The following XPO6 variants were observed in gnomAD, a reference collection of about 807,000 sequenced individuals.
XPO6 encodes the protein exportin-6.
XPO6 carries 3 observed loss-of-function variants against 130.0 expected under a neutral mutation model. The ratio of observed to expected loss-of-function variants is 0.02; its 90% CI spans 0.01 to 0.06. XPO6 has a LOEUF of 0.06. XPO6 is among the 10% of genes least tolerant of loss of function. XPO6 has a pLI of 1.00. For synonymous variants in XPO6, 524 were observed against 548.9 expected (o/e 0.95, Z 0.63); for missense variants, 970 against 1,393.0 (o/e 0.70, Z 4.83).
At chr16:28,166,468 T>C in intron 6 of XPO6, 40 bp downstream of exon 6, 1 of 1,552,942 alleles carries the variant, frequency 6.4e-7, no homozygotes, top group South Asian at 1.2e-5. Flanking sequence ...CCCCAATACA[T>C]TTAAAAAGAA....
chr16:28,210,540 T>C (rs2141924856), intron 1 of XPO6, among the ~76,000 whole-genome samples: 1 of 152,226 alleles, frequency 6.6e-6, no homozygotes, highest in East Asian at 1.9e-4. Flanking sequence ...CAGAAATAAT[T>C]ACAAGAGCAA....
intron 23 of XPO6, among the ~76,000 whole-genome samples, chr16:28,100,347 G>A (rs1285589454): frequency 4.6e-5 from 7 of 152,216 alleles, no homozygotes; most frequent in South Asian, 2.1e-4. Flanking sequence ...TATTGATGTC[G>A]TTAGAAGCTG....
intron 7 of XPO6, chr16:28,153,332 C>G: frequency 1.0e-6 from 1 of 985,626 alleles, no homozygotes; most frequent in Non-Finnish European, 1.2e-6. Context: ...AAAGTGATTT[C>G]AAATATAAGG....
chr16:28,128,371 C>T (rs747259549), intron 12 of XPO6, among the ~76,000 whole-genome samples: 9 of 152,046 alleles, frequency 5.9e-5, no homozygotes, highest in African/African-American at 1.2e-4. Flanking sequence ...TCACTGAGTC[C>T]GCTTCAGCAG....
At chr16:28,121,353 C>A (rs543269864) in intron 14 of XPO6, among the ~76,000 whole-genome samples, 1 of 152,320 alleles carries the variant, frequency 6.6e-6, no homozygotes, top group African/African-American at 2.4e-5. Context: ...ACACACCTAT[C>A]CAGTCTCTTC....
chr16:28,202,177 T>A (rs1352545982), intron 1 of XPO6, among the ~76,000 whole-genome samples: 1 of 152,196 alleles, frequency 6.6e-6, no homozygotes, highest in Non-Finnish European at 1.5e-5. Context: ...TGGGAAGTCT[T>A]TCATAGATAC....
intron 1 of XPO6, among the ~76,000 whole-genome samples, chr16:28,195,087 A>G (rs1487838149): frequency 1.3e-5 from 2 of 151,894 alleles, no homozygotes; most frequent in Non-Finnish European, 2.9e-5. Flanking sequence ...ACCGACCATA[A>G]TGAACTGAAA....
intron 6 of XPO6, among the ~76,000 whole-genome samples, chr16:28,163,602 G>A (rs1344286205): frequency 6.6e-6 from 1 of 152,146 alleles, no homozygotes; most frequent in Non-Finnish European, 1.5e-5. Context: ...GCAGGCGGGG[G>A]GGCAATGTCC....
At chr16:28,172,263 T>C (rs1457331265) in intron 4 of XPO6, among the ~76,000 whole-genome samples, 2 of 152,236 alleles carry the variant, frequency 1.3e-5, no homozygotes, top group Admixed American at 6.5e-5. Context: ...CTTTACCATC[T>C]TCACATCTAT....
intron 6 of XPO6, among the ~76,000 whole-genome samples, chr16:28,159,937 G>A (rs942466231): frequency 6.6e-6 from 1 of 152,156 alleles, no homozygotes; most frequent in African/African-American, 2.4e-5. Flanking sequence ...TGTAATCCCA[G>A]CACTTTGGGA....
chr16:28,124,633 T>C (rs1270441150), intron 13 of XPO6, among the ~76,000 whole-genome samples: 1 of 152,182 alleles, frequency 6.6e-6, no homozygotes, highest in Non-Finnish European at 1.5e-5. Context: ...AGCCACAATG[T>C]ACTTACTCAA....
At position 28,117,357 on chromosome 16, in the gene XPO6, A is replaced by T. The variant is rs61743747; in HGVS notation, c.1965T>A (p.Ser655=). 1,825 of 1,614,178 alleles carry T rather than the reference A, an allele frequency of 1.1e-3. 13 individuals are homozygous for T. In the African/African-American group the frequency reaches 0.022, roughly 19 times the overall value. Residue 655 remains serine (S), a synonymous_variant, in exon 15 of 24, where the codon TCT becomes TCA. Coordinates refer to ENST00000304658, the MANE Select transcript of XPO6 (RefSeq NM_015171.4). The stretch of plus-strand genomic sequence containing the variant: ...GAGGTGTGATTGCATCCATGGTAGT[A>T]GAGATGAGTGTCACGAACTGCTGCG... ...QNTQQFVTLI[S]TTMDAITPLI...
chr16:28,160,184 TA>T (rs56947792), intron 6 of XPO6, among the ~76,000 whole-genome samples: 17,673 of 75,744 alleles, frequency 0.23, 2,165 homozygotes, highest in Middle Eastern at 0.26. Flanking sequence ...GCCTCCGTCT[TA>T]AAAAAAAAAA....
At chr16:28,175,399 C>A (rs74014243) in intron 4 of XPO6, among the ~76,000 whole-genome samples, 1 of 152,106 alleles carries the variant, frequency 6.6e-6, no homozygotes, top group Non-Finnish European at 1.5e-5. Context: ...ATGGAACCCC[C>A]CAACCCTTCC....
rs2086932471 is a variant in XPO6, at chr16:28,111,917, G to A, written c.2241C>T (p.Arg747=). The stretch of plus-strand genomic sequence containing the variant: ...AGATGAGGCTGGCGTGGTTGATGGA[G>A]CGCACGGGCCACTGCTGCTCATTCT... ...LPENEQQWPV[R]SINHASLISA... The change falls in exon 17 of 24, where the codon CGC becomes CGT. Residue 747 remains arginine (R), a synonymous_variant. Transcript: ENST00000304658. 1 of 1,614,036 alleles carries A rather than the reference G, an allele frequency of 6.2e-7. No individual in the cohort carries two copies.
Position 28,123,628 on chromosome 16 carries a change from C to T in XPO6, c.1767-1866G>A, listed in dbSNP as rs11863396. On this transcript the variant is annotated intron_variant, in intron 13 of 23. Coordinates refer to ENST00000304658, the MANE Select transcript of XPO6 (RefSeq NM_015171.4). ...GAAAGCAATCAAAAAGGAGCACTTCCGGTCAGTCAAGAAAGTGAGGGCAAA... is the reference window on the plus strand; with the variant it reads ...GAAAGCAATCAAAAAGGAGCACTTCTGGTCAGTCAAGAAAGTGAGGGCAAA... Among the ~76,000 whole-genome samples, 1,502 of 152,214 alleles carry T rather than the reference C, an allele frequency of 9.9e-3. 31 individuals are homozygous for T. Among genetic ancestry groups the T allele is most frequent in the African/African-American group, 0.034 (1,428 of 41,540 alleles).
chr16:28,136,585 T>G (rs962343127), intron 9 of XPO6, among the ~76,000 whole-genome samples: 2 of 152,218 alleles, frequency 1.3e-5, no homozygotes, highest in Non-Finnish European at 2.9e-5. Flanking sequence ...TAAGAAGACT[T>G]AGAAACTAAA....
In XPO6 at chr16:28,166,800, T is replaced by C. The variant is rs995834649; in HGVS notation, c.566-215A>G. On this transcript the variant is annotated intron_variant, in intron 5 of 23. Transcript: ENST00000304658. ...CACTGTGGCCTTGTGGTGTGGCCTCTCCCCACTGTTGCCTCCAGCACTGCT... is the reference window on the plus strand; with the variant it reads ...CACTGTGGCCTTGTGGTGTGGCCTCCCCCCACTGTTGCCTCCAGCACTGCT... 12 of 985,420 alleles carry C rather than the reference T, an allele frequency of 1.2e-5. No homozygotes were observed. The African/African-American group carries it at 1.7e-4, about 14-fold the overall frequency. The allele number at this position is 985,420 out of a possible 1,614,324, so 61.0% of individuals were successfully genotyped here.
chr16:28,143,423 G>C (rs16939876), intron 9 of XPO6, among the ~76,000 whole-genome samples: 1,606 of 152,294 alleles, frequency 0.011, 32 homozygotes, highest in African/African-American at 0.037. Flanking sequence ...CATCCTGCAA[G>C]AGAAGTGTTA....
Sources: allele counts gnomAD v4.1 joint callset (sites outside exome capture counted in the v4.1 genomes callset), GRCh38; gene constraint gnomAD v4.1.1; transcripts MANE v1.5; gene names NCBI Gene and HGNC (gene_info 2026-07-23, HGNC 2026-07-21).